Variants in KCNT1 observed in about 807,000 individuals in gnomAD.
KCNT1 encodes the protein potassium sodium-activated channel subfamily T member 1.
Under a neutral mutation model 147.8 loss-of-function variants are expected in KCNT1, and 78 were observed. The observed-to-expected ratio is 0.53, with a 90% confidence interval of 0.44 to 0.64. The LOEUF (loss-of-function observed/expected upper bound fraction) is 0.64. Ranked by LOEUF, KCNT1 falls within the 30% of genes least tolerant of loss-of-function variation. KCNT1 has a pLI of 0.00. For synonymous variants in KCNT1, 867 were observed against 748.8 expected, an observed-to-expected ratio of 1.16 and a Z score of -2.58; for missense variants, 1,419 against 1,750.3, an observed-to-expected ratio of 0.81 and a Z score of 3.38.
intron 2 of KCNT1, among the ~76,000 whole-genome samples, chr9:135,726,958 TCC>T (rs2131351881): frequency 1.0e-5 from 1 of 98,184 alleles, no homozygotes; most frequent in African/African-American, 3.9e-5. Flanking sequence ...TTTCCCATTC[TCC>T]CTCTCCCTCT....
In KCNT1 at chr9:135,714,668, T is replaced by C; in HGVS notation, c.202T>C (p.Tyr68His). 6.7e-7 allele frequency: 1 copy of C among 1,485,116 alleles called. No homozygotes were observed. Among genetic ancestry groups the C allele is most frequent in the Admixed American group, 2.0e-5 (1 of 50,446 alleles). The allele number at this position is 1,485,116 out of a possible 1,614,324, so 92.0% of individuals were successfully genotyped here. ...DSEVLPLPPR[Y>H]RFRDLLLGDP... The stretch of plus-strand genomic sequence containing the variant: ...CGAGGTGCTGCCCTTGCCGCCGCGC[T>C]ACCGCTTCCGGGACCTGCTGCTGGG... The change falls in exon 2 of 31, where the codon TAC becomes CAC. Residue 68 changes from tyrosine (Y) to histidine (H), a missense_variant. This residue lies in a region of KCNT1 where 181 missense variants were observed against 155.7 expected (regional missense o/e 1.16). Coordinates refer to ENST00000371757, the MANE Select transcript of KCNT1 (RefSeq NM_020822.3). This position sits in a 1 kb window ranked among gnomAD's most constrained non-coding sequence, Gnocchi z 6.2.
rs576304241 is a variant in KCNT1, at chr9:135,777,054, C to T, written c.2350-284C>T. Among the ~76,000 whole-genome samples the T allele has an allele frequency of 1.1e-4, 16 of 152,368 alleles. No homozygotes were observed. The East Asian group carries it at 2.7e-3, about 26-fold the overall frequency. ...TGCATACACATGACACGTATCTATG[C>T]CCACACCTAGATCTCTAGCCACATG... On this transcript the variant is annotated intron_variant, in intron 20 of 30. Coordinates refer to ENST00000371757, the MANE Select transcript of KCNT1 (RefSeq NM_020822.3).
chr9:135,747,224 C>T (rs376086923), intron 2 of KCNT1, among the ~76,000 whole-genome samples: 13 of 151,960 alleles, frequency 8.6e-5, no homozygotes, highest in African/African-American at 2.7e-4. Flanking sequence ...GTCTGGTCAC[C>T]GTGAAGGGCA....
rs556708664 is a variant in KCNT1 at position 135,772,026 on chromosome 9, C to T, written c.2009-689C>T. Among the ~76,000 whole-genome samples the T allele has an allele frequency of 6.9e-4, 105 of 152,290 alleles. No individual in the cohort carries two copies. The South Asian group carries it at 7.9e-3, about 11-fold the overall frequency. The stretch of plus-strand genomic sequence containing the variant: ...AGGGCCCTGGGGTTTGGAGACGTGC[C>T]GATGCGGAGCCCACCACCTGCCAGA... On this transcript the variant is annotated intron_variant, in intron 18 of 30. Coordinates refer to ENST00000371757, the MANE Select transcript of KCNT1 (RefSeq NM_020822.3).
chr9:135,752,175 G>T lies in KCNT1; in HGVS notation c.434+1134G>T, dbSNP rs1014679375. 1 of 351,084 alleles carries T rather than the reference G, an allele frequency of 2.8e-6. No homozygotes were observed. Among genetic ancestry groups the T allele is most frequent in the African/African-American group, 2.1e-5 (1 of 46,636 alleles). 21.7% of individuals were successfully genotyped at this position (351,084 alleles called of 1,614,324 possible). On this transcript the variant is annotated intron_variant, in intron 4 of 30. Transcript: ENST00000371757. This position sits in a 1 kb window ranked among gnomAD's most constrained non-coding sequence, Gnocchi z 5.1. ...CGGGGTGAACCCTGCCAGCATGCTG[G>T]TCCCCCCTCTGGCTGCGCAGAGCAG...
intron 2 of KCNT1, among the ~76,000 whole-genome samples, chr9:135,715,459 C>G (rs935207370): frequency 1.3e-5 from 2 of 152,180 alleles, no homozygotes; most frequent in Non-Finnish European, 2.9e-5. Flanking sequence ...TGAGGACTCA[C>G]GCGGAGCTGG....
intron 2 of KCNT1, among the ~76,000 whole-genome samples, chr9:135,717,988 C>A (rs1399841414): frequency 6.6e-6 from 1 of 152,200 alleles, no homozygotes; most frequent in Admixed American, 6.5e-5. Flanking sequence ...CTGAGGTCAC[C>A]CAAGCCCTCC....
At chr9:135,764,995 C>T in intron 11 of KCNT1, 36 bp from the exon 12 acceptor site, 1 of 1,583,708 alleles carries the variant, frequency 6.3e-7, no homozygotes, top group South Asian at 1.1e-5. Flanking sequence ...GCTCCCCAGG[C>T]CTGGTCGCTG....
chr9:135,745,557 A>G (rs370985408), intron 2 of KCNT1, among the ~76,000 whole-genome samples: 9 of 152,312 alleles, frequency 5.9e-5, no homozygotes, highest in African/African-American at 2.2e-4. Context: ...CCAGATGAGC[A>G]CCGGGGCAGC....
At position 135,757,013 on chromosome 9, in the gene KCNT1, C is replaced by T. The variant is rs1390470857; in HGVS notation, c.600+81C>T. On this transcript the variant is annotated intron_variant, in intron 7 of 30. Transcript: ENST00000371757. ...CCCAGCCTCCCCCACCTCCCCCACC[C>T]TCTCCTATTTCCCCACACTTCCCAG... The T allele has an allele frequency of 3.5e-6, 4 of 1,154,896 alleles. No homozygotes were observed. In the South Asian group the frequency reaches 4.0e-5, roughly 12 times the overall value. The allele number at this position is 1,154,896 out of a possible 1,614,324, so 71.5% of individuals were successfully genotyped here.
At chr9:135,716,701 A>T (rs1365575518) in intron 2 of KCNT1, among the ~76,000 whole-genome samples, 2 of 152,004 alleles carry the variant, frequency 1.3e-5, no homozygotes, top group Non-Finnish European at 2.9e-5. Flanking sequence ...TGGTATTAGG[A>T]GGTGGACCGC....
At chr9:135,748,680 A>C (rs1292577055) in intron 2 of KCNT1, among the ~76,000 whole-genome samples, 1 of 152,234 alleles carries the variant, frequency 6.6e-6, no homozygotes, top group East Asian at 1.9e-4. Flanking sequence ...TCCTCCACGC[A>C]GCCGTCCAGG....
intron 2 of KCNT1, among the ~76,000 whole-genome samples, chr9:135,719,216 C>T (rs1325151440): frequency 6.6e-6 from 1 of 152,220 alleles, no homozygotes; most frequent in African/African-American, 2.4e-5. Context: ...AGCGTCATGG[C>T]CCTTGGAGGA....
Position 135,792,319 on chromosome 9 carries a change from CG to C in KCNT1, c.*164del, listed in dbSNP as rs778166324. On this transcript the variant is annotated 3_prime_UTR_variant, in exon 31 of 31. Coordinates refer to ENST00000371757, the MANE Select transcript of KCNT1 (RefSeq NM_020822.3). ...CCACCCTGGAAAGGAGCCCCTCATGCGGGGGGAGGGCCAGCTCACCCCTGGG... is the reference window on the plus strand; with the variant it reads ...CCACCCTGGAAAGGAGCCCCTCATGCGGGGGAGGGCCAGCTCACCCCTGGG... The C allele has an allele frequency of 3.1e-6, 3 of 968,622 alleles. No individual in the cohort carries two copies. Among genetic ancestry groups the C allele is most frequent in the Non-Finnish European group, 2.9e-6 (2 of 681,472 alleles). 60.0% of individuals were successfully genotyped at this position (968,622 alleles called of 1,614,324 possible).
At chr9:135,727,030 TTTCCC>T in intron 2 of KCNT1, among the ~76,000 whole-genome samples, 1 of 84,858 alleles carries the variant, frequency 1.2e-5, no homozygotes, top group Non-Finnish European at 2.4e-5. Flanking sequence ...TCTCCCTCTC[TTTCCC>T]ATTCTCTCTC....
chr9:135,767,830 A>G (rs1250051097), intron 13 of KCNT1, among the ~76,000 whole-genome samples: 1 of 151,772 alleles, frequency 6.6e-6, no homozygotes, highest in Non-Finnish European at 1.5e-5. Context: ...GTTGCTTCAG[A>G]GAACAGGGCC....
At chr9:135,771,380 G>C (rs1832752774) in intron 18 of KCNT1, among the ~76,000 whole-genome samples, 1 of 152,232 alleles carries the variant, frequency 6.6e-6, no homozygotes, top group Non-Finnish European at 1.5e-5. Flanking sequence ...TCCAACCTTG[G>C]ACAGGTGGAG....
intron 29 of KCNT1, chr9:135,789,902 C>T (rs1290650029): frequency 6.6e-6 from 1 of 152,296 alleles, no homozygotes; most frequent in Non-Finnish European, 1.5e-5. Flanking sequence ...GAAGCTAGTC[C>T]TCTGCGACCA....
At chr9:135,788,129 G>A in intron 29 of KCNT1, 4 of 1,612,860 alleles carry the variant, frequency 2.5e-6, no homozygotes, top group Non-Finnish European at 3.4e-6. Flanking sequence ...AGCCAGTGAT[G>A]TCATGAATCG....
Sources: gnomAD v4.1 joint callset for allele counts (sites outside exome capture counted in the v4.1 genomes callset) on GRCh38, gnomAD v4.1.1 for gene constraint, gnomAD v4.1.1 regional missense constraint, Gnocchi (gnomAD v3.1) non-coding constraint, MANE v1.5 for transcripts, NCBI Gene and HGNC (gene_info 2026-07-23, HGNC 2026-07-21) for gene names.